Variants in CLDN14 observed in about 807,000 individuals in gnomAD.
The protein encoded by CLDN14 is claudin-14.
In CLDN14, 2 loss-of-function variants were observed where a neutral mutation model predicts 2.1. The observed-to-expected ratio is 0.96, with a 90% CI of 0.39 to 3.01. CLDN14 has a LOEUF of 3.01. Ranked by LOEUF, CLDN14 falls within the 30% of genes most tolerant of loss-of-function variation. The probability of loss-of-function intolerance (pLI) is 0.09; values close to 1 mark genes in which losing one functional copy is unlikely to be tolerated. For synonymous variants in CLDN14, 136 were observed against 154.4 expected (o/e 0.88, Z 0.88); for missense variants, 298 against 328.0 (o/e 0.91, Z 0.71).
chr21:36,544,805 T>G lies in CLDN14; in HGVS notation c.-220+31606A>C, dbSNP rs370988783. 3.2e-4 allele frequency among the ~76,000 whole-genome samples: 48 copies of G among 152,124 alleles called. No individual in the cohort carries two copies. In the South Asian group the frequency reaches 0.01, roughly 32 times the overall value. On this transcript the variant is annotated intron_variant, in intron 1 of 2. Coordinates refer to the CLDN14 transcript ENST00000342108. This position sits in a 1 kb window ranked among gnomAD's most constrained non-coding sequence, Gnocchi z 4.1. ...GCAAGGACATCCGCGAAGTAAGACA[T>G]GTGCACAGAGCAACCATGTGAAAAC...
chr21:36,486,139 G>A lies in CLDN14; in HGVS notation c.-82+24224C>T, dbSNP rs181048296. The A allele has an allele frequency of 5.5e-4, 713 of 1,284,832 alleles. 2 individuals are homozygous for A. Among genetic ancestry groups the A allele is most frequent in the Middle Eastern group, 4.4e-3 (24 of 5,400 alleles). The allele number at this position is 1,284,832 out of a possible 1,614,324, so 79.6% of individuals were successfully genotyped here. Reference sequence around the variant, plus strand: ...GGAACTCAGGATCCTGCATCACGTCGTAATCATCCTCCTCCTTGGCTGGCT... The same window carrying A: ...GGAACTCAGGATCCTGCATCACGTCATAATCATCCTCCTCCTTGGCTGGCT... On this transcript the variant is annotated intron_variant, in intron 2 of 2. Transcript: ENST00000342108.
At chr21:36,486,348 C>A in intron 2 of CLDN14, 1 of 856,892 alleles carries the variant, frequency 1.2e-6, no homozygotes. Flanking sequence ...GCCTTCAGTC[C>A]CAGTTGTAGC....
At chr21:36,518,698 A>G (rs1452852322) in intron 1 of CLDN14, among the ~76,000 whole-genome samples, 2 of 152,212 alleles carry the variant, frequency 1.3e-5, no homozygotes, top group Non-Finnish European at 2.9e-5. Context: ...ATGTGTATTG[A>G]ACTCCAGTGA....
intron 1 of CLDN14, among the ~76,000 whole-genome samples, chr21:36,565,409 T>TTTTTCC (rs2087665729): frequency 8.1e-6 from 1 of 122,928 alleles, no homozygotes; most frequent in South Asian, 3.0e-4. Context: ...ATGGTTTCCC[T>TTTTTCC]TTTTCCCAAA....
At chr21:36,483,176 A>G (rs375896466), upstream of CLDN14, among the ~76,000 whole-genome samples, 2 of 152,118 alleles carry the variant, frequency 1.3e-5, no homozygotes, top group East Asian at 3.9e-4. Context: ...TGGCAGCTGC[A>G]AGTTCTCCCC....
chr21:36,554,724 C>T (rs1406176999), intron 1 of CLDN14, among the ~76,000 whole-genome samples: 14 of 152,110 alleles, frequency 9.2e-5, no homozygotes, highest in Admixed American at 9.2e-4. Context: ...TGTCTTACCG[C>T]CCCACCACCC....
intron 1 of CLDN14, among the ~76,000 whole-genome samples, chr21:36,478,797 A>C (rs219743): frequency 0.33 from 50,805 of 152,112 alleles, 10,425 homozygotes; most frequent in African/African-American, 0.59. Context: ...TCAGGACACT[A>C]ATCCTGGTTC....
At chr21:36,542,014 G>A (rs1169764855) in intron 1 of CLDN14, among the ~76,000 whole-genome samples, 4 of 152,176 alleles carry the variant, frequency 2.6e-5, no homozygotes. Context: ...CTGGAGTGCA[G>A]TGGTGTGATC....
chr21:36,558,442 G>A (rs991982312), intron 1 of CLDN14, among the ~76,000 whole-genome samples: 1 of 151,870 alleles, frequency 6.6e-6, no homozygotes, highest in East Asian at 1.9e-4. Context: ...CTATTTATTT[G>A]TGTCTTCTCC....
At chr21:36,481,713 G>A (rs537507278), upstream of CLDN14, among the ~76,000 whole-genome samples, 4 of 152,352 alleles carry the variant, frequency 2.6e-5, no homozygotes, top group South Asian at 6.2e-4. Context: ...GCTGAAGCCT[G>A]AAAATTCCCT....
At chr21:36,535,666 G>T (rs546915899) in intron 1 of CLDN14, among the ~76,000 whole-genome samples, 2 of 152,298 alleles carry the variant, frequency 1.3e-5, no homozygotes, top group African/African-American at 4.8e-5. Context: ...TAATGCAGAA[G>T]GGAGTCCACA....
At chr21:36,555,359 T>G (rs565258034) in intron 1 of CLDN14, among the ~76,000 whole-genome samples, 1 of 152,340 alleles carries the variant, frequency 6.6e-6, no homozygotes, top group East Asian at 1.9e-4. Context: ...GGAATTGTCC[T>G]GTGGAGAAGG....
Position 36,461,214 on chromosome 21 carries a change from C to G in CLDN14, c.482G>C (p.Gly161Ala). 6.2e-7 allele frequency: 1 copy of G among 1,614,080 alleles called. No homozygotes were observed. Among genetic ancestry groups the G allele is most frequent in the Non-Finnish European group, 8.5e-7 (1 of 1,179,992 alleles). ...GATGAAGCCCAGGTACAGGGCCTGG[C>G]CAATCTCAAACTTCATGCCGCTGGG... ...LLPSGMKFEI[G>A]QALYLGFISS... Residue 161 changes from glycine to alanine, a missense_variant, in exon 2 of 2, where the codon GGC (glycine) becomes GCC (alanine). Coordinates refer to ENST00000399135, the MANE Select transcript of CLDN14 (RefSeq NM_001146079.2).
chr21:36,538,425 C>T (rs1716533529), intron 1 of CLDN14, among the ~76,000 whole-genome samples: 1 of 152,072 alleles, frequency 6.6e-6, no homozygotes, highest in African/African-American at 2.4e-5. Flanking sequence ...ACCATCCTGG[C>T]CAACATAGTG....
chr21:36,461,155 G>A lies in CLDN14; in HGVS notation c.541C>T (p.Leu181Phe). 6.2e-7 allele frequency: 1 copy of A among 1,613,860 alleles called. No homozygotes were observed. Among genetic ancestry groups the A allele is most frequent in the Non-Finnish European group, 8.5e-7 (1 of 1,179,734 alleles). ...SSLSLIGGTL[L>F]CLSCQDEAPY... ...GCCTCGTCCTGGCAGGACAGGCAAAGCAGGGTGCCACCAATGAGCGAGAGG... is the reference window on the plus strand; with the variant it reads ...GCCTCGTCCTGGCAGGACAGGCAAAACAGGGTGCCACCAATGAGCGAGAGG... The change falls in exon 2 of 2, where the codon CTT (leucine) becomes TTT (phenylalanine). Residue 181 changes from leucine to phenylalanine, a missense_variant. By Grantham distance (22) the Leu-to-Phe change is conservative. Coordinates refer to ENST00000399135, the MANE Select transcript of CLDN14 (RefSeq NM_001146079.2).
At chr21:36,536,598 A>AT (rs959480382) in intron 1 of CLDN14, among the ~76,000 whole-genome samples, 11 of 152,130 alleles carry the variant, frequency 7.2e-5, no homozygotes, top group Non-Finnish European at 1.0e-4. Context: ...TCTTTAAACT[A>AT]TTTTTTCATT....
chr21:36,461,641 C>T lies in CLDN14; in HGVS notation c.55G>A (p.Val19Met). 1 of 1,578,314 alleles carries T rather than the reference C, an allele frequency of 6.3e-7. No homozygotes were observed. The highest frequency in any genetic ancestry group is 1.2e-5 in the South Asian group (1 of 86,826). Residue 19 changes from valine (V) to methionine (M), a missense_variant, in exon 2 of 2, where the codon GTG (valine) becomes ATG (methionine). Transcript: ENST00000399135. ...LGFLLSFLGM[V>M]GTLITTILPH... ...AGGATGGTGGTGATCAACGTGCCCA[C>T]CATGCCCAGGAAGCTGAGCAGGAAG...
intron 1 of CLDN14, among the ~76,000 whole-genome samples, chr21:36,556,439 A>G (rs987875418): frequency 2.0e-5 from 3 of 152,166 alleles, no homozygotes; most frequent in African/African-American, 7.2e-5. Context: ...GGATCTCTTT[A>G]TGGGGGTGGT....
intron 1 of CLDN14, among the ~76,000 whole-genome samples, chr21:36,540,172 G>T (rs925809193): frequency 6.6e-6 from 1 of 151,860 alleles, no homozygotes; most frequent in Non-Finnish European, 1.5e-5. Flanking sequence ...ACAGGGGATT[G>T]GCTCCAGGAC....
Sources: allele counts gnomAD v4.1 joint callset (sites outside exome capture counted in the v4.1 genomes callset), GRCh38; gene constraint gnomAD v4.1.1; non-coding constraint Gnocchi (gnomAD v3.1); transcripts MANE v1.5; gene names NCBI Gene and HGNC (gene_info 2026-07-23, HGNC 2026-07-21).